The following FLT3 variants were observed in gnomAD, a reference collection of about 807,000 sequenced individuals.
FLT3 encodes the protein receptor-type tyrosine-protein kinase FLT3.
Under a neutral mutation model 126.6 loss-of-function variants are expected in FLT3, and 46 were observed. That is an observed-to-expected ratio of 0.36 (90% confidence interval 0.29 to 0.46). FLT3 has a LOEUF of 0.46. FLT3 is among the 20% of genes least tolerant of loss of function. The probability of loss-of-function intolerance (pLI) is 1.00; values close to 1 mark genes in which losing one functional copy is unlikely to be tolerated. For missense variants in FLT3, 1,069 were observed against 1,190.3 expected (o/e 0.90, Z 1.50); for synonymous variants, 404 against 434.4 (o/e 0.93, Z 0.87).
At chr13:28,086,846 C>T (rs1878708575) in intron 1 of FLT3, among the ~76,000 whole-genome samples, 1 of 152,024 alleles carries the variant, frequency 6.6e-6, no homozygotes, top group Admixed American at 6.6e-5. Flanking sequence ...GGGGTTCCAC[C>T]ATGCTGGCCA....
chr13:28,040,155 A>G (rs1234879330), intron 9 of FLT3, among the ~76,000 whole-genome samples: 1 of 152,244 alleles, frequency 6.6e-6, no homozygotes, highest in African/African-American at 2.4e-5. Context: ...CAGCAAATTC[A>G]AAAAATTGGG....
rs554555372 is a variant in FLT3, at chr13:28,048,393, G to C, written c.1087C>G (p.Gln363Glu). 50 of 1,610,672 alleles carry C rather than the reference G, an allele frequency of 3.1e-5. No homozygotes were observed. The South Asian group carries it at 5.3e-4, about 17-fold the overall frequency. The change falls in exon 9 of 24, where the codon CAA becomes GAA. Residue 363 changes from glutamine to glutamate, a missense_variant. Gln to Glu is a conservative substitution (Grantham distance 29, BLOSUM62 2). Transcript: ENST00000241453. ...TNSSEDYEIDQYEEFCFSVRF... is the reference protein window; with the variant it reads ...TNSSEDYEIDEYEEFCFSVRF... ...ACAGAAAAACAAAACTCTTCATATTGGTCAATTTCATAATCTTCACTTGAA... is the reference window on the plus strand; with the variant it reads ...ACAGAAAAACAAAACTCTTCATATTCGTCAATTTCATAATCTTCACTTGAA...
intron 18 of FLT3, among the ~76,000 whole-genome samples, chr13:28,023,751 A>G (rs556637328): frequency 6.6e-6 from 1 of 152,086 alleles, no homozygotes; most frequent in African/African-American, 2.4e-5. Flanking sequence ...TCTCTTTTGC[A>G]CTAGGTAGGG....
At chr13:28,025,520 ATTCT>A (rs1872721923) in intron 17 of FLT3, 1 of 324,756 alleles carries the variant, frequency 3.1e-6, no homozygotes. Flanking sequence ...GATTCAATTT[ATTCT>A]AATATACGAG....
At chr13:28,075,042 T>C (rs1877828459) in intron 1 of FLT3, among the ~76,000 whole-genome samples, 1 of 152,214 alleles carries the variant, frequency 6.6e-6, no homozygotes, top group African/African-American at 2.4e-5. Context: ...TCTGTTCACA[T>C]CTTTTGCCCA....
rs747607531 is a variant in FLT3 at position 28,023,392 on chromosome 13, T to G, written c.2376A>C (p.Ala792=). 1.2e-6 allele frequency: 2 copies of G among 1,614,036 alleles called. No individual in the cohort carries two copies. The highest frequency in any genetic ancestry group is 1.7e-6 in the Non-Finnish European group (2 of 1,179,914). The change falls in exon 19 of 24, where the codon GCA becomes GCC. Residue 792 remains alanine, a synonymous_variant. Transcript: ENST00000241453. ...VLTFEDLLCF[A]YQVAKGMEFL... ...ATTCCATTCCTTTGGCAACTTGATA[T>G]GCAAAGCAAAGAAGATCTTCAAATG...
At chr13:28,059,577 T>A (rs890984112) in intron 3 of FLT3, among the ~76,000 whole-genome samples, 1 of 152,254 alleles carries the variant, frequency 6.6e-6, no homozygotes, top group Non-Finnish European at 1.5e-5. Flanking sequence ...GCAATTCTGC[T>A]TATCATATTG....
chr13:28,059,958 CAATAAATA>C (rs10523017), intron 3 of FLT3, among the ~76,000 whole-genome samples: 3,012 of 148,144 alleles, frequency 0.02, 92 homozygotes, highest in African/African-American at 0.069. Context: ...GACTCTGCCT[CAATAAATA>C]AATAAATAAA....
At chr13:28,056,341 T>C (rs1875996977) in intron 4 of FLT3, among the ~76,000 whole-genome samples, 1 of 152,150 alleles carries the variant, frequency 6.6e-6, no homozygotes, top group African/African-American at 2.4e-5. Flanking sequence ...CCAGGGCACC[T>C]CTGTGGGCCG....
chr13:28,064,567 A>G (rs2137774408), intron 2 of FLT3, among the ~76,000 whole-genome samples: 1 of 152,184 alleles, frequency 6.6e-6, no homozygotes, highest in East Asian at 1.9e-4. Context: ...GTGAGACTCC[A>G]TCTCAAAAAA....
chr13:28,095,123 C>T (rs1217708249), intron 1 of FLT3, among the ~76,000 whole-genome samples: 6 of 152,140 alleles, frequency 3.9e-5, no homozygotes, highest in Non-Finnish European at 8.8e-5. Flanking sequence ...TGCAGGTGAG[C>T]AGTCTGGGTA....
chr13:28,006,728 C>CTTTTT (rs753656559), intron 23 of FLT3, among the ~76,000 whole-genome samples: 32 of 132,890 alleles, frequency 2.4e-4, no homozygotes, highest in East Asian at 4.3e-4. Context: ...CCTTTCTTTC[C>CTTTTT]TTTTTTTTTT....
chr13:28,031,051 T>C (rs1369431755), intron 15 of FLT3, among the ~76,000 whole-genome samples: 2 of 151,168 alleles, frequency 1.3e-5, no homozygotes, highest in African/African-American at 2.5e-5. Flanking sequence ...ACGGTGAAAC[T>C]CTGTCTCTAC....
At chr13:28,070,872 T>G (rs1423950779) in intron 1 of FLT3, among the ~76,000 whole-genome samples, 3 of 152,144 alleles carry the variant, frequency 2.0e-5, no homozygotes, top group African/African-American at 7.2e-5. Flanking sequence ...TGGTAGCGAC[T>G]AGCTACATGT....
chr13:28,074,813 G>A (rs2137798304), intron 1 of FLT3, among the ~76,000 whole-genome samples: 1 of 151,970 alleles, frequency 6.6e-6, no homozygotes, highest in African/African-American at 2.4e-5. Context: ...GCTAATTTCT[G>A]TATTTTTGTA....
At chr13:28,082,220 A>T (rs1424566045) in intron 1 of FLT3, among the ~76,000 whole-genome samples, 1 of 152,032 alleles carries the variant, frequency 6.6e-6, no homozygotes, top group Non-Finnish European at 1.5e-5. Flanking sequence ...GCATTATCAT[A>T]GCTCACTCCA....
chr13:28,094,638 T>C (rs964033185), intron 1 of FLT3, among the ~76,000 whole-genome samples: 2 of 152,192 alleles, frequency 1.3e-5, no homozygotes, highest in African/African-American at 2.4e-5. Flanking sequence ...TAGCTGAGGC[T>C]ACAGGCATGT....
rs998743295 is a variant in FLT3, at chr13:28,003,459, A to G, written c.*593T>C. On this transcript the variant is annotated 3_prime_UTR_variant, in exon 24 of 24. Coordinates refer to ENST00000241453, the MANE Select transcript of FLT3 (RefSeq NM_004119.3). ...GCAGAAATCTTAGGCTGTGACAACC[A>G]TAGCTGCCTACACATTCCTTGTATC... 4.3e-5 allele frequency: 10 copies of G among 234,516 alleles called. No homozygotes were observed. The highest frequency in any genetic ancestry group is 4.2e-5 in the Non-Finnish European group (5 of 118,882). 14.5% of individuals were successfully genotyped at this position (234,516 alleles called of 1,614,324 possible).
intron 23 of FLT3, among the ~76,000 whole-genome samples, chr13:28,013,708 G>C (rs1871588907): frequency 6.6e-6 from 1 of 152,144 alleles, no homozygotes; most frequent in Non-Finnish European, 1.5e-5. Flanking sequence ...GACACAATTG[G>C]GAGACAGAGT....
Sources: gnomAD v4.1 joint callset for allele counts (sites outside exome capture counted in the v4.1 genomes callset) on GRCh38, gnomAD v4.1.1 for gene constraint, MANE v1.5 for transcripts, NCBI Gene and HGNC (gene_info 2026-07-23, HGNC 2026-07-21) for gene names.